EPB41L4B: variants seen among roughly 807,000 people sequenced by gnomAD.
The protein encoded by EPB41L4B is erythrocyte membrane protein band 4.1 like 4B, also known as band 4.1-like protein 4B.
In EPB41L4B, 30 loss-of-function variants were observed where a neutral mutation model predicts 112.5. That is an observed-to-expected ratio of 0.27 (90% CI 0.20 to 0.36). The LOEUF (loss-of-function observed/expected upper bound fraction) is 0.36. Ranked by LOEUF, EPB41L4B falls within the 10% of genes least tolerant of loss-of-function variation. The pLI is 1.00. For missense variants in EPB41L4B, 1,024 were observed against 1,133.3 expected, an observed-to-expected ratio of 0.90 and a Z score of 1.38; for synonymous variants, 408 against 439.7, an observed-to-expected ratio of 0.93 and a Z score of 0.90.
intron 12 of EPB41L4B, among the ~76,000 whole-genome samples, chr9:109,252,717 T>C (rs968777053): frequency 1.3e-5 from 2 of 151,996 alleles, no homozygotes; most frequent in African/African-American, 4.8e-5. Context: ...GGCTCTGCCA[T>C]AAAAGAGCAA....
At position 109,241,964 on chromosome 9, in the gene EPB41L4B, A is replaced by G. The variant is rs73529308; in HGVS notation, c.1409+1654T>C. On this transcript the variant is annotated intron_variant, in intron 15 of 25. Transcript: ENST00000374566. ...AATGGAAATGAATGGATTTCCTAGT[A>G]AGAATTTTAAAAATTCAGATGCAGA... 5.3e-3 allele frequency among the ~76,000 whole-genome samples: 805 copies of G among 152,332 alleles called. 4 individuals carry two copies. The highest frequency in any genetic ancestry group is 0.019 in the African/African-American group (785 of 41,584).
intron 1 of EPB41L4B, among the ~76,000 whole-genome samples, chr9:109,294,103 G>A (rs780639284): frequency 4.0e-5 from 6 of 150,812 alleles, no homozygotes; most frequent in Non-Finnish European, 7.4e-5. Flanking sequence ...TCAGGAGATC[G>A]AGACCATCCT....
chr9:109,199,495 C>T (rs1216642662), intron 20 of EPB41L4B, among the ~76,000 whole-genome samples: 7 of 151,998 alleles, frequency 4.6e-5, no homozygotes, highest in Non-Finnish European at 1.0e-4. Flanking sequence ...ATGGTGAAAC[C>T]CCGTCTCTAC....
At chr9:109,215,365 CA>C (rs202184489) in intron 16 of EPB41L4B, among the ~76,000 whole-genome samples, 2,508 of 152,176 alleles carry the variant, frequency 0.016, 35 homozygotes, top group Non-Finnish European at 0.026. Flanking sequence ...CTGCAACCTC[CA>C]CCTCCCAGGT....
chr9:109,263,193 C>A (rs1982226), intron 5 of EPB41L4B, 91 bp from the exon 6 acceptor site: 792,935 of 870,708 alleles, frequency 0.91, 362,020 homozygotes, highest in East Asian at 1. Flanking sequence ...AAAGGTAGCG[C>A]TATTTAGATA....
At chr9:109,240,073 T>G (rs1020110347) in intron 15 of EPB41L4B, 2 of 985,180 alleles carry the variant, frequency 2.0e-6, no homozygotes, top group African/African-American at 3.5e-5. Context: ...AAAAGCCAAC[T>G]GTTCTGTTAC....
In EPB41L4B at chr9:109,263,099, C is replaced by G; in HGVS notation, c.582G>C (p.Leu194Phe). 6.3e-7 allele frequency: 1 copy of G among 1,585,542 alleles called. No individual in the cohort carries two copies. Among genetic ancestry groups the G allele is most frequent in the Non-Finnish European group, 8.6e-7 (1 of 1,160,384 alleles). Residue 194 changes from leucine to phenylalanine, a missense_variant, in exon 6 of 26, where the codon TTG (leucine) becomes TTC (phenylalanine). Leu to Phe is a conservative substitution (Grantham distance 22). Coordinates refer to ENST00000374566, the MANE Select transcript of EPB41L4B (RefSeq NM_019114.5). ...QLRHDILSGK[L>F]KCPYETAVEL... ...CCACAGCTGTTTCATAAGGGCATTTCAATCTTGAAAAAAATAAAATGAAAT... is the reference window on the plus strand; with the variant it reads ...CCACAGCTGTTTCATAAGGGCATTTGAATCTTGAAAAAAATAAAATGAAAT...
rs377289021 is a variant in EPB41L4B at position 109,234,114 on chromosome 9, A to AG, written c.1409+9503dup. On this transcript the variant is annotated intron_variant, in intron 15 of 25. Coordinates refer to ENST00000374566, the MANE Select transcript of EPB41L4B (RefSeq NM_019114.5). ...TCAGACTAAGTTAAAAAAAAAAAAA[A>AG]GCTAGCAAAGGCTATGATTTGCTTC... Among the ~76,000 whole-genome samples, 16 of 150,364 alleles carry AG rather than the reference A, an allele frequency of 1.1e-4. No individual in the cohort carries two copies. The East Asian group carries it at 3.1e-3, about 29-fold the overall frequency.
At chr9:109,235,138 T>A (rs948495308) in intron 15 of EPB41L4B, among the ~76,000 whole-genome samples, 1 of 152,224 alleles carries the variant, frequency 6.6e-6, no homozygotes, top group African/African-American at 2.4e-5. Context: ...ATTGTCCACA[T>A]TCTGCCTGGA....
chr9:109,204,398 G>A (rs1229026325), intron 18 of EPB41L4B, among the ~76,000 whole-genome samples: 3 of 152,246 alleles, frequency 2.0e-5, no homozygotes, highest in Non-Finnish European at 4.4e-5. Context: ...TTTCAAGCCT[G>A]CTGGCTTGGA....
rs772267528 is a variant in EPB41L4B, at chr9:109,203,710, C to T, written c.1899G>A (p.Pro633=). Residue 633 remains proline, a synonymous_variant, in exon 19 of 26, where the codon CCG becomes CCA. Transcript: ENST00000374566. ...VNIQGGKEES[P]FVNINKKSSL... Reference sequence around the variant, plus strand: ...TGGATTTCTTATTGATATTTACAAACGGTGATTCCTCCTTTCCACCCTGTT... The same window carrying T: ...TGGATTTCTTATTGATATTTACAAATGGTGATTCCTCCTTTCCACCCTGTT... 97 of 1,613,820 alleles carry T rather than the reference C, an allele frequency of 6.0e-5. No individual in the cohort carries two copies. The highest frequency in any genetic ancestry group is 8.3e-5 in the Admixed American group (5 of 59,988).
rs560577629 is a variant in EPB41L4B at position 109,233,545 on chromosome 9, T to C, written c.1409+10073A>G. Among the ~76,000 whole-genome samples the C allele has an allele frequency of 9.4e-4, 142 of 151,036 alleles. 1 individual carries two copies. The Middle Eastern group carries it at 0.014, about 14-fold the overall frequency. On this transcript the variant is annotated intron_variant, in intron 15 of 25. Transcript: ENST00000374566. Reference sequence around the variant, plus strand: ...GGGAACCTACTTTTTTTTTTTTTTTTTTTGAGATGGAGTCTCGCTCTGTCA... The same window carrying C: ...GGGAACCTACTTTTTTTTTTTTTTTCTTTGAGATGGAGTCTCGCTCTGTCA...
chr9:109,174,434 T>C lies in EPB41L4B; in HGVS notation c.*120A>G. Reference sequence around the variant, plus strand: ...GCCAGAAATTGGCTTCAACTAACCATGGAGACCTGGGCGAACAGAGCACAC... The same window carrying C: ...GCCAGAAATTGGCTTCAACTAACCACGGAGACCTGGGCGAACAGAGCACAC... On this transcript the variant is annotated 3_prime_UTR_variant, in exon 26 of 26. Transcript: ENST00000374566. The C allele has an allele frequency of 1.0e-6, 1 of 966,202 alleles. No individual in the cohort carries two copies. The highest frequency in any genetic ancestry group is 1.4e-5 in the South Asian group (1 of 72,532). 59.9% of individuals were successfully genotyped at this position (966,202 alleles called of 1,614,324 possible). A position where few individuals can be genotyped will look rare whatever the true frequency, so the allele number is the denominator to read the frequency against.
chr9:109,295,193 T>A (rs1836690950), intron 1 of EPB41L4B, among the ~76,000 whole-genome samples: 2 of 152,164 alleles, frequency 1.3e-5, no homozygotes, highest in Non-Finnish European at 2.9e-5. Context: ...TCCTGGACTT[T>A]GTGCCTAACT....
At chr9:109,190,341 G>C (rs963763255) in intron 22 of EPB41L4B, among the ~76,000 whole-genome samples, 1 of 152,230 alleles carries the variant, frequency 6.6e-6, no homozygotes, top group African/African-American at 2.4e-5. Context: ...CACATGGGAA[G>C]TTCTGACATT....
At chr9:109,229,233 G>T (rs902569222) in intron 15 of EPB41L4B, among the ~76,000 whole-genome samples, 4 of 152,118 alleles carry the variant, frequency 2.6e-5, no homozygotes, top group African/African-American at 7.2e-5. Context: ...CTTCCTTGCT[G>T]AACAGAATTT....
intron 1 of EPB41L4B, among the ~76,000 whole-genome samples, chr9:109,290,843 T>C (rs55700539): frequency 0.13 from 19,750 of 151,628 alleles, 1,814 homozygotes; most frequent in East Asian, 0.4. Context: ...CACAAACAAA[T>C]ATAAACTGTT....
At chr9:109,212,605 C>A (rs566561264) in intron 17 of EPB41L4B, among the ~76,000 whole-genome samples, 90 of 152,332 alleles carry the variant, frequency 5.9e-4, no homozygotes, top group Non-Finnish European at 1.0e-3. Flanking sequence ...GGAGGTGTAA[C>A]CTTCCCATGC....
chr9:109,275,755 G>C (rs1835790176), intron 2 of EPB41L4B, among the ~76,000 whole-genome samples: 1 of 152,182 alleles, frequency 6.6e-6, no homozygotes. Flanking sequence ...TGAGACTCAA[G>C]AGTAGGGTGT....
Sources: allele counts gnomAD v4.1 joint callset (sites outside exome capture counted in the v4.1 genomes callset), GRCh38; gene constraint gnomAD v4.1.1; transcripts MANE v1.5; gene names NCBI Gene and HGNC (gene_info 2026-07-23, HGNC 2026-07-21).